Variants in PRKN observed in about 807,000 individuals in gnomAD.
PRKN encodes E3 ubiquitin-protein ligase parkin.
In PRKN, 56 loss-of-function variants were observed where a neutral mutation model predicts 59.5. The ratio of observed to expected loss-of-function variants is 0.94; its 90% CI spans 0.76 to 1.18. The LOEUF (loss-of-function observed/expected upper bound fraction) is 1.18, where lower values mean the gene tolerates loss of function less well. Ranked by LOEUF, PRKN falls within the 50% of genes most tolerant of loss-of-function variation. The pLI is 0.00. For missense variants in PRKN, 657 were observed against 596.4 expected, an observed-to-expected ratio of 1.10 and a Z score of -1.06; for synonymous variants, 250 against 222.1, an observed-to-expected ratio of 1.13 and a Z score of -1.12.
chr6:162,515,900 A>G (rs927955598), intron 1 of PRKN, among the ~76,000 whole-genome samples: 1 of 152,210 alleles, frequency 6.6e-6, no homozygotes, highest in East Asian at 1.9e-4. Flanking sequence ...CTAGGGCCGC[A>G]TGTGACTGTC....
chr6:161,988,213 G>T (rs1023836911), intron 5 of PRKN, among the ~76,000 whole-genome samples: 2 of 152,092 alleles, frequency 1.3e-5, no homozygotes, highest in Non-Finnish European at 2.9e-5. Context: ...AAATTCTTCA[G>T]GGCTGGGCAT....
intron 2 of PRKN, among the ~76,000 whole-genome samples, chr6:162,338,488 G>A (rs371840317): frequency 2.4e-4 from 36 of 152,290 alleles, no homozygotes; most frequent in African/African-American, 7.2e-4. Flanking sequence ...CCCTAACCGC[G>A]AGTGATCCGC....
At chr6:162,367,266 C>T (rs1355354028) in intron 2 of PRKN, among the ~76,000 whole-genome samples, 1 of 152,170 alleles carries the variant, frequency 6.6e-6, no homozygotes, top group African/African-American at 2.4e-5. Context: ...TCCAGCCATG[C>T]AGAACTGTGA....
intron 1 of PRKN, chr6:162,624,689 AAC>A (rs1782814304): frequency 6.6e-6 from 1 of 151,872 alleles, no homozygotes; most frequent in Non-Finnish European, 1.5e-5. Context: ...CGGTAGAGAA[AAC>A]ACAAACATTT....
chr6:161,587,810 G>C (rs1562543639), intron 7 of PRKN, among the ~76,000 whole-genome samples: 1 of 151,920 alleles, frequency 6.6e-6, no homozygotes, highest in South Asian at 2.1e-4. Flanking sequence ...TTTTTTAAAG[G>C]TGTTTTGAAC....
intron 1 of PRKN, among the ~76,000 whole-genome samples, chr6:162,627,647 C>T (rs564292187): frequency 1.3e-5 from 2 of 151,972 alleles, no homozygotes; most frequent in Admixed American, 6.6e-5. Context: ...GCAGGGTGAA[C>T]GCAGGTGAAG....
intron 7 of PRKN, among the ~76,000 whole-genome samples, chr6:161,714,249 G>C (rs909812687): frequency 6.6e-6 from 1 of 152,212 alleles, no homozygotes; most frequent in Admixed American, 6.5e-5. Context: ...ATAAGGCTTA[G>C]AAGGGAGTGC....
chr6:162,412,887 A>G (rs1788419436), intron 2 of PRKN, among the ~76,000 whole-genome samples: 1 of 152,196 alleles, frequency 6.6e-6, no homozygotes, highest in South Asian at 2.1e-4. Context: ...ACTGAAAAAA[A>G]GAGCCAACTT....
At chr6:161,906,694 A>ATATATATATAT (rs1778162880) in intron 6 of PRKN, among the ~76,000 whole-genome samples, 1 of 148,094 alleles carries the variant, frequency 6.8e-6, no homozygotes, top group Non-Finnish European at 1.5e-5. Flanking sequence ...GAGTTTATTT[A>ATATATATATAT]GTAGTATTGA....
At chr6:162,638,737 CCCTT>C (rs1777845506) in intron 1 of PRKN, among the ~76,000 whole-genome samples, 1 of 114,548 alleles carries the variant, frequency 8.7e-6, no homozygotes, top group African/African-American at 3.5e-5. Context: ...TGCTAACTAT[CCCTT>C]TTTTTTTTTT....
At chr6:162,291,639 G>A (rs1272647702) in intron 2 of PRKN, among the ~76,000 whole-genome samples, 1 of 152,124 alleles carries the variant, frequency 6.6e-6, no homozygotes, top group Non-Finnish European at 1.5e-5. Flanking sequence ...AAGATTTTTT[G>A]AGAGCTAAGC....
intron 5 of PRKN, among the ~76,000 whole-genome samples, chr6:162,022,569 T>C (rs1475028753): frequency 6.6e-6 from 1 of 152,204 alleles, no homozygotes; most frequent in Non-Finnish European, 1.5e-5. Context: ...ATTCTAGATA[T>C]TAGTCTTTTA....
chr6:161,573,691 G>C (rs557747379), intron 7 of PRKN, among the ~76,000 whole-genome samples: 1 of 123,238 alleles, frequency 8.1e-6, no homozygotes, highest in South Asian at 3.1e-4. Flanking sequence ...CTGCGTTCCA[G>C]CCTGGGCGAC....
chr6:161,625,098 A>G (rs1783036572), intron 7 of PRKN, among the ~76,000 whole-genome samples: 1 of 152,250 alleles, frequency 6.6e-6, no homozygotes, highest in Non-Finnish European at 1.5e-5. Context: ...AAGCTACTAT[A>G]AAGACACATG....
chr6:162,437,699 G>C (rs746118208), intron 2 of PRKN, among the ~76,000 whole-genome samples: 1 of 151,996 alleles, frequency 6.6e-6, no homozygotes. Context: ...TTTGGGGATG[G>C]GCTTTTTCCA....
chr6:162,484,787 C>T (rs948592536), intron 1 of PRKN, among the ~76,000 whole-genome samples: 1 of 152,134 alleles, frequency 6.6e-6, no homozygotes, highest in African/African-American at 2.4e-5. Flanking sequence ...GCTCATTTGC[C>T]TATTGGGCAT....
intron 7 of PRKN, among the ~76,000 whole-genome samples, chr6:161,755,783 G>A (rs1788890504): frequency 6.6e-6 from 1 of 152,052 alleles, no homozygotes; most frequent in Non-Finnish European, 1.5e-5. Context: ...AATCAGGGTT[G>A]ACGTGTGCTG....
rs78125049 is a variant in PRKN at position 162,389,547 on chromosome 6, T to C, written c.171+53763A>G. ...GCCCATTTGCATTCCCTCTACCCAG[T>C]CTAAAAGGTGTCCGATGATTCATTT... On this transcript the variant is annotated intron_variant, in intron 2 of 11. Transcript: ENST00000366898. Among the ~76,000 whole-genome samples, 193 of 152,286 alleles carry C rather than the reference T, an allele frequency of 1.3e-3. 2 individuals are homozygous for C. The East Asian group carries it at 0.035, about 28-fold the overall frequency.
intron 6 of PRKN, among the ~76,000 whole-genome samples, chr6:161,969,848 C>T (rs1210189644): frequency 1.3e-5 from 2 of 151,618 alleles, no homozygotes; most frequent in Non-Finnish European, 1.5e-5. Flanking sequence ...TTTTCTTTTC[C>T]TTTTTGCCCA....
Sources: allele counts gnomAD v4.1 joint callset (sites outside exome capture counted in the v4.1 genomes callset), GRCh38; gene constraint gnomAD v4.1.1; transcripts MANE v1.5; gene names NCBI Gene and HGNC (gene_info 2026-07-23, HGNC 2026-07-21).